The following ITGAM variants were observed in gnomAD, a reference collection of about 807,000 sequenced individuals.
The protein encoded by ITGAM is integrin subunit alpha M.
In ITGAM, 79 loss-of-function variants were observed where a neutral mutation model predicts 137.5. That is an observed-to-expected ratio of 0.57 (90% confidence interval 0.48 to 0.69). The LOEUF (loss-of-function observed/expected upper bound fraction) is 0.69, where lower values mean the gene tolerates loss of function less well. ITGAM is among the 30% of genes least tolerant of loss of function. The probability of loss-of-function intolerance (pLI) is 0.00; values close to 1 mark genes in which losing one functional copy is unlikely to be tolerated. For synonymous variants in ITGAM, 583 were observed against 592.3 expected, an observed-to-expected ratio of 0.98 and a Z score of 0.23; for missense variants, 1,343 against 1,483.5, an observed-to-expected ratio of 0.91 and a Z score of 1.56.
chr16:31,281,656 T>G (rs1292215869), intron 12 of ITGAM, among the ~76,000 whole-genome samples: 13 of 152,334 alleles, frequency 8.5e-5, no homozygotes, highest in Non-Finnish European at 1.8e-4. Context: ...TTTGTTGATC[T>G]TTTCAGAAAA....
intron 12 of ITGAM, among the ~76,000 whole-genome samples, chr16:31,294,387 A>G (rs2080113560): frequency 6.6e-6 from 1 of 152,048 alleles, no homozygotes; most frequent in Non-Finnish European, 1.5e-5. Context: ...GATGGCTCTT[A>G]TTATTTTGAG....
rs1296956691 is a variant in ITGAM at position 31,322,624 on chromosome 16, T to G, written c.2002+997T>G. 2.0e-5 allele frequency among the ~76,000 whole-genome samples: 3 copies of G among 152,142 alleles called. No individual in the cohort carries two copies. In the South Asian group the frequency reaches 6.2e-4, roughly 31 times the overall value. ...ACCTTGGTCTTTCCATTGAGACAAC[T>G]GACTAGCAACCAAGAGAAACAATAT... On this transcript the variant is annotated intron_variant, in intron 16 of 29. Transcript: ENST00000544665.
In ITGAM at chr16:31,272,002, C is replaced by T. The variant is rs35472514; in HGVS notation, c.704+10C>T. ...GCATCCGCAAAGTGGTGTAAGCTTC[C>T]CCTTTTCCCTTAGGATGGAGGGAGG... On this transcript the variant is annotated intron_variant, in intron 7 of 29. Transcript: ENST00000544665. 3 of 1,613,752 alleles carry T rather than the reference C, an allele frequency of 1.9e-6. No homozygotes were observed. Among genetic ancestry groups the T allele is most frequent in the Non-Finnish European group, 2.5e-6 (3 of 1,179,818 alleles).
chr16:31,277,269 T>C (rs1192686836), intron 11 of ITGAM, among the ~76,000 whole-genome samples: 1 of 152,062 alleles, frequency 6.6e-6, no homozygotes, highest in Non-Finnish European at 1.5e-5. Flanking sequence ...CTCGGCTCAC[T>C]ACAACCTCTG....
Position 31,329,256 on chromosome 16 carries a change from T to G in ITGAM, c.2821T>G (p.Phe941Val), listed in dbSNP as rs747544873. 4.8e-5 allele frequency: 78 copies of G among 1,613,108 alleles called. No homozygotes were observed. The highest frequency in any genetic ancestry group is 6.2e-5 in the Non-Finnish European group (73 of 1,179,406). Residue 941 changes from phenylalanine (F) to valine (V), a missense_variant, in exon 24 of 30, where the codon TTC becomes GTC. By Grantham distance (50) the Phe-to-Val change is conservative (BLOSUM62 -1). Coordinates refer to ENST00000544665, the MANE Select transcript of ITGAM (RefSeq NM_000632.4). ...TGGGGTCTCCACTAAATATCTCAAC[T>G]TCACGGCCTCAGAGAATACCAGTCG... ...SHGVSTKYLN[F>V]TASENTSRVM...
intron 14 of ITGAM, among the ~76,000 whole-genome samples, chr16:31,303,557 A>T (rs2080236677): frequency 6.6e-6 from 1 of 152,154 alleles, no homozygotes; most frequent in African/African-American, 2.4e-5. Context: ...CTGTCATCAA[A>T]GCAGCGTACA....
chr16:31,324,388 T>C lies in ITGAM; in HGVS notation c.2003-11T>C. The stretch of plus-strand genomic sequence containing the variant: ...CAGGCCCCTCACTGCTGTGCCACCC[T>C]GTCCCTTCAGGACAGATCCAGAGTG... On this transcript the variant is annotated splice_polypyrimidine_tract_variant and intron_variant, in intron 16 of 29. Transcript: ENST00000544665. The surrounding 1 kb of genome is among the most constrained non-coding windows in gnomAD (Gnocchi z 4.5). 3.2e-6 allele frequency: 5 copies of C among 1,551,536 alleles called. No individual in the cohort carries two copies. Among genetic ancestry groups the C allele is most frequent in the Non-Finnish European group, 4.4e-6 (5 of 1,146,864 alleles).
chr16:31,315,551 G>A (rs538926010), intron 14 of ITGAM, among the ~76,000 whole-genome samples: 5 of 151,932 alleles, frequency 3.3e-5, no homozygotes, highest in South Asian at 2.1e-4. Flanking sequence ...TCCACCTCCC[G>A]GGTCCCAGCG....
chr16:31,327,265 T>C (rs963797756), intron 22 of ITGAM, among the ~76,000 whole-genome samples: 3 of 152,030 alleles, frequency 2.0e-5, no homozygotes, highest in Non-Finnish European at 2.9e-5. Flanking sequence ...TCTTGGGAGT[T>C]TGGTGTTCAG....
At chr16:31,327,678 G>T (rs1004011279) in intron 22 of ITGAM, among the ~76,000 whole-genome samples, 2 of 151,962 alleles carry the variant, frequency 1.3e-5, no homozygotes, top group African/African-American at 4.8e-5. Flanking sequence ...ATGAACTGAG[G>T]GCGGGCATGA....
In ITGAM at chr16:31,328,884, G is replaced by A. The variant is rs577403326; in HGVS notation, c.2793-344G>A. On this transcript the variant is annotated intron_variant, in intron 23 of 29. Coordinates refer to ENST00000544665, the MANE Select transcript of ITGAM (RefSeq NM_000632.4). ...GGTCTATGTGCATGTATGTGTGCAT[G>A]AGTGTGTATTCGTGCATGTGTGTGT... 14 of 441,718 alleles carry A rather than the reference G, an allele frequency of 3.2e-5. No homozygotes were observed. The Admixed American group carries it at 5.3e-4, about 17-fold the overall frequency. 27.4% of individuals were successfully genotyped at this position (441,718 alleles called of 1,614,324 possible). A position where few individuals can be genotyped will look rare whatever the true frequency, so the allele number is the denominator to read the frequency against.
intron 14 of ITGAM, among the ~76,000 whole-genome samples, chr16:31,299,449 C>T (rs2080172472): frequency 6.6e-6 from 1 of 151,936 alleles, no homozygotes; most frequent in Non-Finnish European, 1.5e-5. Context: ...GCTGGGATTA[C>T]AAGCATGCAC....
intron 14 of ITGAM, among the ~76,000 whole-genome samples, chr16:31,311,906 C>T (rs1180758100): frequency 2.0e-5 from 3 of 151,940 alleles, no homozygotes; most frequent in African/African-American, 2.4e-5. Context: ...CAATGATAGA[C>T]TGGATTAAGA....
intron 7 of ITGAM, 23 bp downstream of exon 7, chr16:31,272,015 G>C (rs777226554): frequency 6.2e-7 from 1 of 1,613,798 alleles, no homozygotes; most frequent in Admixed American, 1.7e-5. Context: ...TTTTCCCTTA[G>C]GATGGAGGGA....
Position 31,330,525 on chromosome 16 carries a change from A to G in ITGAM, c.3196A>G (p.Ile1066Val), listed in dbSNP as rs763390528. The G allele has an allele frequency of 6.2e-7, 1 of 1,613,718 alleles. No homozygotes were observed. Among genetic ancestry groups the G allele is most frequent in the East Asian group, 2.2e-5 (1 of 44,862 alleles). Reference protein sequence around the residue: ...YIKTSHNHLLIVSTAEILFND... With the variant: ...YIKTSHNHLLVVSTAEILFND... Reference sequence around the variant, plus strand: ...ACAGACCTCGCATAACCACCTCCTGATCGTGAGCACAGCTGAGATCTTGTT... The same window carrying G: ...ACAGACCTCGCATAACCACCTCCTGGTCGTGAGCACAGCTGAGATCTTGTT... The change falls in exon 28 of 30, where the codon ATC becomes GTC. Residue 1066 changes from isoleucine (I) to valine (V), a missense_variant. By Grantham distance (29) the Ile-to-Val change is conservative. Coordinates refer to ENST00000544665, the MANE Select transcript of ITGAM (RefSeq NM_000632.4).
intron 14 of ITGAM, among the ~76,000 whole-genome samples, chr16:31,302,918 CTCTTTCTTTCTTTCTT>C (rs67320202): frequency 0.15 from 10,653 of 72,910 alleles, 902 homozygotes; most frequent in Middle Eastern, 0.24. Flanking sequence ...CTTTCCCTCC[CTCTTTCTTTCTTTCTT>C]TCTTTCTTTC....
At chr16:31,295,143 G>A (rs550232618) in intron 12 of ITGAM, among the ~76,000 whole-genome samples, 129 of 152,166 alleles carry the variant, frequency 8.5e-4, no homozygotes, top group African/African-American at 2.9e-3. Context: ...GACACAGTAT[G>A]TTTTGAGATC....
intron 14 of ITGAM, among the ~76,000 whole-genome samples, chr16:31,299,790 C>CCCT (rs1178009184): frequency 8.8e-6 from 1 of 113,692 alleles, no homozygotes; most frequent in Non-Finnish European, 1.8e-5. Flanking sequence ...CTCCGCCTCC[C>CCCT]CCTCCTCCTC....
At chr16:31,267,275 C>G (rs1463494733) in intron 5 of ITGAM, among the ~76,000 whole-genome samples, 1 of 151,950 alleles carries the variant, frequency 6.6e-6, no homozygotes, top group East Asian at 1.9e-4. Context: ...GATTCTGGGA[C>G]CACAGGCGAA....
Sources: allele counts gnomAD v4.1 joint callset (sites outside exome capture counted in the v4.1 genomes callset), GRCh38; gene constraint gnomAD v4.1.1; non-coding constraint Gnocchi (gnomAD v3.1); transcripts MANE v1.5; gene names NCBI Gene and HGNC (gene_info 2026-07-23, HGNC 2026-07-21).